Variants in RAC1 observed in about 807,000 individuals in gnomAD.
RAC1 encodes the protein Rac family small GTPase 1, also known as ras-related C3 botulinum toxin substrate 1.
RAC1 carries 2 observed loss-of-function variants against 25.2 expected under a neutral mutation model. The ratio of observed to expected loss-of-function variants is 0.08; its 90% CI spans 0.03 to 0.25. RAC1 has a LOEUF of 0.25. RAC1 is among the 10% of genes least tolerant of loss of function. The probability of loss-of-function intolerance (pLI) is 1.00; values close to 1 mark genes in which losing one functional copy is unlikely to be tolerated. For missense variants in RAC1, 50 were observed against 235.7 expected (o/e 0.21, Z 5.16); for synonymous variants, 88 against 94.0 (o/e 0.94, Z 0.37).
At chr7:6,376,389 G>A (rs940823504) in intron 1 of RAC1, among the ~76,000 whole-genome samples, 3 of 151,742 alleles carry the variant, frequency 2.0e-5, no homozygotes, top group African/African-American at 7.3e-5. Context: ...TCACCATGTT[G>A]GCCTGGCTGG....
At chr7:6,393,122 A>G (rs1182685835) in intron 3 of RAC1, among the ~76,000 whole-genome samples, 1 of 152,182 alleles carries the variant, frequency 6.6e-6, no homozygotes, top group Non-Finnish European at 1.5e-5. Context: ...AAGACATCCT[A>G]GAGAAAGGCT....
intron 1 of RAC1, among the ~76,000 whole-genome samples, chr7:6,384,039 C>T (rs1250183674): frequency 6.6e-6 from 1 of 151,914 alleles, no homozygotes; most frequent in Non-Finnish European, 1.5e-5. Context: ...AGGTGATCCG[C>T]CCGCCTTGGC....
intron 2 of RAC1, 34 bp from the exon 3 acceptor site, chr7:6,391,890 A>G (rs1414185607): frequency 1.9e-6 from 3 of 1,613,316 alleles, no homozygotes; most frequent in South Asian, 1.1e-5. Context: ...TAGCTTCTAC[A>G]CCTGTGACTA....
intron 2 of RAC1, chr7:6,391,447 CTTG>C (rs1381362456): frequency 6.4e-6 from 1 of 156,770 alleles, no homozygotes; most frequent in African/African-American, 2.4e-5. Flanking sequence ...TATTGGGAGG[CTTG>C]TTAAGTCAGG....
At chr7:6,383,051 C>G (rs1010511748) in intron 1 of RAC1, among the ~76,000 whole-genome samples, 1 of 152,184 alleles carries the variant, frequency 6.6e-6, no homozygotes, top group African/African-American at 2.4e-5. Context: ...CCAGCCGACT[C>G]ATGTTCGTTT....
chr7:6,385,715 C>A (rs1056833807), intron 1 of RAC1, among the ~76,000 whole-genome samples: 1 of 152,148 alleles, frequency 6.6e-6, no homozygotes, highest in South Asian at 2.1e-4. Context: ...GGCCTGTAAT[C>A]TGCCTTGAGT....
At chr7:6,379,651 C>T (rs1269966506) in intron 1 of RAC1, among the ~76,000 whole-genome samples, 1 of 152,240 alleles carries the variant, frequency 6.6e-6, no homozygotes, top group Admixed American at 6.5e-5. Context: ...CTTAGGCGAT[C>T]TGCCCGCCTT....
intron 5 of RAC1, 88 bp downstream of exon 5, chr7:6,402,115 T>C: frequency 6.7e-7 from 1 of 1,491,532 alleles, no homozygotes; most frequent in Non-Finnish European, 9.1e-7. Context: ...GGAGGGTGTG[T>C]GTCTCCCACT....
At chr7:6,398,416 C>A (rs778148946) in intron 3 of RAC1, among the ~76,000 whole-genome samples, 14 of 152,024 alleles carry the variant, frequency 9.2e-5, no homozygotes, top group Non-Finnish European at 1.5e-4. Context: ...CACGTTGTTG[C>A]CCCCCCTCAG....
At chr7:6,392,125 T>G (rs1783107861) in intron 3 of RAC1, 84 bp downstream of exon 3, 4 of 1,587,412 alleles carry the variant, frequency 2.5e-6, no homozygotes, top group Non-Finnish European at 3.4e-6. Context: ...CCTATGGACT[T>G]GCTTATATTG....
chr7:6,402,069 A>G, intron 5 of RAC1, 42 bp downstream of exon 5: 2 of 1,590,226 alleles, frequency 1.3e-6, no homozygotes, highest in African/African-American at 1.3e-5. Context: ...TACCTCTTTT[A>G]TTGTAGTGAC....
At chr7:6,391,655 A>G (rs754336928) in intron 2 of RAC1, 4 of 447,282 alleles carry the variant, frequency 8.9e-6, no homozygotes, top group Non-Finnish European at 1.6e-5. Context: ...GTTTAAAGTA[A>G]AATGTTTTTA....
Position 6,402,666 on chromosome 7 carries a change from T to G in RAC1, c.*220T>G, listed in dbSNP as rs761465378. On this transcript the variant is annotated 3_prime_UTR_variant, in exon 6 of 6. Transcript: ENST00000348035. ...CTAAATGTAAGAGTTCAGACTCACA[T>G]TCTATTAAAATTTAGCCCTAAAATG... 7.2e-6 allele frequency: 3 copies of G among 417,008 alleles called. No individual in the cohort carries two copies. Among genetic ancestry groups the G allele is most frequent in the Non-Finnish European group, 8.1e-6 (2 of 247,144 alleles). 25.8% of individuals were successfully genotyped at this position (417,008 alleles called of 1,614,324 possible).
chr7:6,392,168 G>A, intron 3 of RAC1, 127 bp downstream of exon 3: 5 of 1,503,266 alleles, frequency 3.3e-6, no homozygotes, highest in Non-Finnish European at 4.5e-6. Flanking sequence ...ATAGCAAACA[G>A]GGTGGGATTG....
intron 3 of RAC1, among the ~76,000 whole-genome samples, chr7:6,398,175 A>C (rs1006581964): frequency 6.6e-6 from 1 of 151,768 alleles, no homozygotes; most frequent in East Asian, 1.9e-4. Flanking sequence ...TGGCAGCATT[A>C]AAACCCTGAG....
chr7:6,387,884 A>G (rs1316287736), intron 2 of RAC1, among the ~76,000 whole-genome samples: 1 of 152,202 alleles, frequency 6.6e-6, no homozygotes, highest in Non-Finnish European at 1.5e-5. Flanking sequence ...CTCTGACCAA[A>G]AGTCTGATCA....
intron 2 of RAC1, chr7:6,391,697 CTTG>C (rs1255766437): frequency 1.9e-5 from 10 of 531,946 alleles, no homozygotes; most frequent in South Asian, 9.3e-5. Flanking sequence ...ACTTAAATAG[CTTG>C]TTGTTTGTTT....
chr7:6,400,918 G>A (rs989546696), intron 4 of RAC1, among the ~76,000 whole-genome samples: 3 of 151,184 alleles, frequency 2.0e-5, no homozygotes, highest in Non-Finnish European at 2.9e-5. Context: ...CAGGTGATCC[G>A]CGCGTCTCGG....
At chr7:6,394,663 T>C (rs1783180218) in intron 3 of RAC1, among the ~76,000 whole-genome samples, 1 of 151,058 alleles carries the variant, frequency 6.6e-6, no homozygotes, top group South Asian at 2.1e-4. Flanking sequence ...ATTTTCTCTC[T>C]AGGCTAAAAG....
Sources: gnomAD v4.1 joint callset for allele counts (sites outside exome capture counted in the v4.1 genomes callset) on GRCh38, gnomAD v4.1.1 for gene constraint, MANE v1.5 for transcripts, NCBI Gene and HGNC (gene_info 2026-07-23, HGNC 2026-07-21) for gene names.